The following EXOC2 variants were observed in gnomAD, a reference collection of about 807,000 sequenced individuals.
EXOC2 encodes the protein SEC5-like 1.
A neutral mutation model predicts 131.8 loss-of-function variants in EXOC2; 70 were observed. The observed-to-expected ratio is 0.53, with a 90% CI of 0.44 to 0.65. The LOEUF is 0.65. Among genes scored for constraint, EXOC2 ranks in the 30% least tolerant of loss-of-function variants. The probability of loss-of-function intolerance (pLI) is 0.00; values close to 1 mark genes in which losing one functional copy is unlikely to be tolerated. For missense variants in EXOC2, 923 were observed against 1,108.6 expected (o/e 0.83, Z 2.38); for synonymous variants, 411 against 398.4 (o/e 1.03, Z -0.38).
intron 23 of EXOC2, among the ~76,000 whole-genome samples, chr6:516,781 A>C (rs920556611): frequency 1.3e-5 from 2 of 152,230 alleles, no homozygotes; most frequent in African/African-American, 4.8e-5. Context: ...CCATAATTAG[A>C]TAAACAAAAC....
intron 7 of EXOC2, among the ~76,000 whole-genome samples, chr6:599,934 T>C (rs1760038721): frequency 6.6e-6 from 1 of 152,180 alleles, no homozygotes; most frequent in African/African-American, 2.4e-5. Flanking sequence ...AAGCAAAATT[T>C]GCTGTGTACA....
intron 1 of EXOC2, among the ~76,000 whole-genome samples, chr6:690,665 T>C (rs2127823921): frequency 6.6e-6 from 1 of 152,346 alleles, no homozygotes; most frequent in Non-Finnish European, 1.5e-5. Flanking sequence ...ATCTCGCCAC[T>C]GTACTTCAGC....
intron 24 of EXOC2, among the ~76,000 whole-genome samples, chr6:499,228 C>T (rs1161374628): frequency 6.6e-6 from 1 of 152,162 alleles, no homozygotes; most frequent in Non-Finnish European, 1.5e-5. Flanking sequence ...TTTCTGGAAT[C>T]CCAGCCACTG....
chr6:499,192 G>A (rs975832643), intron 24 of EXOC2, among the ~76,000 whole-genome samples: 6 of 152,098 alleles, frequency 3.9e-5, no homozygotes, highest in African/African-American at 1.2e-4. Flanking sequence ...GGCCTGCCCC[G>A]AGTCTCTTTC....
At chr6:645,694 A>G (rs9504584) in intron 1 of EXOC2, among the ~76,000 whole-genome samples, 11,280 of 152,204 alleles carry the variant, frequency 0.074, 797 homozygotes, top group South Asian at 0.16. Context: ...TGGTAGATTT[A>G]TGTGTGTGTG....
chr6:631,214 C>T (rs924576063), intron 3 of EXOC2, among the ~76,000 whole-genome samples: 1 of 152,232 alleles, frequency 6.6e-6, no homozygotes, highest in Admixed American at 6.5e-5. Context: ...GGGGCTTCTG[C>T]TCAAGTCCAG....
At chr6:572,105 G>A (rs1373130788) in intron 13 of EXOC2, among the ~76,000 whole-genome samples, 1 of 152,198 alleles carries the variant, frequency 6.6e-6, no homozygotes, top group African/African-American at 2.4e-5. Flanking sequence ...CATACTCTAT[G>A]GATGACTTTG....
chr6:653,812 G>A (rs1382497871), intron 1 of EXOC2, among the ~76,000 whole-genome samples: 1 of 152,244 alleles, frequency 6.6e-6, no homozygotes, highest in Non-Finnish European at 1.5e-5. Context: ...TTCATAGCTA[G>A]AGAGGAGAAG....
chr6:656,769 C>T (rs1277098746), intron 1 of EXOC2: 1 of 1,592,722 alleles, frequency 6.3e-7, no homozygotes, highest in South Asian at 1.1e-5. Flanking sequence ...GGCCCCCTGC[C>T]GCACCTCGCA....
intron 13 of EXOC2, among the ~76,000 whole-genome samples, chr6:569,514 T>A (rs1184408874): frequency 2.6e-5 from 4 of 152,142 alleles, no homozygotes; most frequent in African/African-American, 9.7e-5. Flanking sequence ...TTAAAAACTA[T>A]CATGCTTTCT....
At chr6:609,333 T>C (rs940416860) in intron 7 of EXOC2, among the ~76,000 whole-genome samples, 6 of 152,376 alleles carry the variant, frequency 3.9e-5, no homozygotes, top group Admixed American at 1.3e-4. Context: ...CCTGATGAGA[T>C]TGTACATTAT....
intron 1 of EXOC2, among the ~76,000 whole-genome samples, chr6:654,803 CAAAAAAAAAAA>C (rs66637987): frequency 1.9e-3 from 56 of 29,570 alleles, no homozygotes; most frequent in South Asian, 0.017. Flanking sequence ...GACCCTGTCT[CAAAAAAAAAAA>C]AAAAAAAAAA....
At position 491,765 on chromosome 6, in the gene EXOC2, C is replaced by G. The variant is rs573540928; in HGVS notation, c.2560-579G>C. On this transcript the variant is annotated intron_variant, in intron 25 of 27. Coordinates refer to ENST00000230449, the MANE Select transcript of EXOC2 (RefSeq NM_018303.6). Reference sequence around the variant, plus strand: ...GGAAATGCAAGGCACTCAGAACAGCCAAAACAATCTTAGAGTAACACATTT... The same window carrying G: ...GGAAATGCAAGGCACTCAGAACAGCGAAAACAATCTTAGAGTAACACATTT... 3.3e-5 allele frequency among the ~76,000 whole-genome samples: 5 copies of G among 152,312 alleles called. 1 individual carries two copies. Among genetic ancestry groups the G allele is most frequent in the Non-Finnish European group, 5.9e-5 (4 of 68,028 alleles).
At chr6:653,332 G>A (rs1018443277) in intron 1 of EXOC2, among the ~76,000 whole-genome samples, 1 of 152,178 alleles carries the variant, frequency 6.6e-6, no homozygotes, top group African/African-American at 2.4e-5. Flanking sequence ...GCCTTCTTGT[G>A]GCAAACAATT....
chr6:525,632 T>C (rs926383929), intron 23 of EXOC2: 1 of 152,210 alleles, frequency 6.6e-6, no homozygotes, highest in Non-Finnish European at 1.5e-5. Context: ...CTTTAAAATA[T>C]AGAAATTTCT....
chr6:659,995 T>TGG (rs538836534), intron 1 of EXOC2, among the ~76,000 whole-genome samples: 8 of 38,134 alleles, frequency 2.1e-4, no homozygotes, highest in Non-Finnish European at 4.1e-4. Context: ...TCAGGGCTGT[T>TGG]GGGGGGGGGA....
At chr6:584,516 A>C (rs536347275) in intron 11 of EXOC2, among the ~76,000 whole-genome samples, 1 of 152,234 alleles carries the variant, frequency 6.6e-6, no homozygotes, top group Non-Finnish European at 1.5e-5. Context: ...CAAGTAATTA[A>C]TACTCTAGTG....
chr6:640,836 T>C (rs1170007089), intron 1 of EXOC2, among the ~76,000 whole-genome samples: 1 of 152,018 alleles, frequency 6.6e-6, no homozygotes, highest in Non-Finnish European at 1.5e-5. Flanking sequence ...AGCCACTCGG[T>C]CTAGTATACT....
intron 25 of EXOC2, among the ~76,000 whole-genome samples, chr6:493,748 G>T (rs186404090): frequency 1.3e-5 from 2 of 152,148 alleles, no homozygotes; most frequent in African/African-American, 4.8e-5. Flanking sequence ...AGAGTGAAGC[G>T]GGAGTTTAGA....
Sources: allele counts gnomAD v4.1 joint callset (sites outside exome capture counted in the v4.1 genomes callset), GRCh38; gene constraint gnomAD v4.1.1; transcripts MANE v1.5; gene names NCBI Gene and HGNC (gene_info 2026-07-23, HGNC 2026-07-21).